The following GLUD1 variants were observed in gnomAD, a reference collection of about 807,000 sequenced individuals.
The protein encoded by GLUD1 is glutamate dehydrogenase 1, mitochondrial.
Under a neutral mutation model 56.0 loss-of-function variants are expected in GLUD1, and 22 were observed. That is an observed-to-expected ratio of 0.39 (90% CI 0.28 to 0.56). The LOEUF (loss-of-function observed/expected upper bound fraction) is 0.56. Among genes scored for constraint, GLUD1 ranks in the 20% least tolerant of loss-of-function variants. GLUD1 has a pLI of 0.58. For missense variants in GLUD1, 451 were observed against 732.0 expected (o/e 0.62, Z 4.43); for synonymous variants, 223 against 269.9 (o/e 0.83, Z 1.70).
At chr10:87,076,395 TA>T (rs5786757) in intron 2 of GLUD1, among the ~76,000 whole-genome samples, 180 bp downstream of exon 2, 54,581 of 149,374 alleles carry the variant, frequency 0.37, 11,333 homozygotes, top group East Asian at 0.7. Context: ...ATCCCCCATG[TA>T]AAAAAAAAAG....
intron 1 of GLUD1, among the ~76,000 whole-genome samples, chr10:87,088,734 T>C (rs184539393): frequency 6.6e-6 from 1 of 152,372 alleles, no homozygotes; most frequent in East Asian, 1.9e-4. Flanking sequence ...TTACGTCTGA[T>C]AGACTTTCTC....
intron 1 of GLUD1, among the ~76,000 whole-genome samples, chr10:87,086,860 T>C (rs77380778): frequency 6.8e-6 from 1 of 147,312 alleles, no homozygotes; most frequent in Non-Finnish European, 1.5e-5. Flanking sequence ...AAGGAAAAAA[T>C]TGTTTTTTCT....
intron 6 of GLUD1, among the ~76,000 whole-genome samples, chr10:87,062,389 C>T (rs1256456379): frequency 6.6e-6 from 1 of 152,192 alleles, no homozygotes; most frequent in Non-Finnish European, 1.5e-5. Context: ...AGTTTGAATA[C>T]TAACCAATAT....
chr10:87,075,941 A>G (rs1442739038), intron 3 of GLUD1, 27 bp downstream of exon 3: 2 of 1,452,392 alleles, frequency 1.4e-6, no homozygotes, highest in Non-Finnish European at 1.9e-6. Context: ...AACAACAATA[A>G]AAAACAAATA....
rs1453075315 is a variant in GLUD1 at position 87,051,466 on chromosome 10, G to A, written c.*285C>T. 10 of 459,074 alleles carry A rather than the reference G, an allele frequency of 2.2e-5. No homozygotes were observed. The highest frequency in any genetic ancestry group is 4.1e-5 in the South Asian group (2 of 48,212). The allele number at this position is 459,074 out of a possible 1,614,324, so 28.4% of individuals were successfully genotyped here. ...ACTGATTGTGTTGGGAAAAGCCACA[G>A]AGCAAGGCTGCACAGCCAGATAAAG... is the stretch of plus-strand genomic sequence containing the variant. On this transcript the variant is annotated 3_prime_UTR_variant, in exon 13 of 13. Coordinates refer to ENST00000277865, the MANE Select transcript of GLUD1 (RefSeq NM_005271.5).
intron 12 of GLUD1, among the ~76,000 whole-genome samples, chr10:87,052,306 G>A (rs1186304935): frequency 3.9e-5 from 6 of 152,172 alleles, no homozygotes; most frequent in Middle Eastern, 3.4e-3. Context: ...GACCAATATG[G>A]TGAAACCCCA....
At chr10:87,067,937 C>T in intron 5 of GLUD1, 126 bp downstream of exon 5, 1 of 685,528 alleles carries the variant, frequency 1.5e-6, no homozygotes, top group Non-Finnish European at 2.7e-6. Flanking sequence ...AAATAATATG[C>T]ACATCAAGAT....
At chr10:87,075,899 G>A (rs1175847452) in intron 3 of GLUD1, 69 bp downstream of exon 3, 2 of 1,071,388 alleles carry the variant, frequency 1.9e-6, no homozygotes, top group Non-Finnish European at 2.9e-6. Flanking sequence ...GAACAACAGA[G>A]GAAGACTCTG....
In GLUD1 at chr10:87,051,781, C is replaced by T. The variant is rs756484571; in HGVS notation, c.1647G>A (p.Val549=). Residue 549 remains valine (V), a synonymous_variant, in exon 13 of 13, where the codon GTG becomes GTA. Transcript: ENST00000277865. ...TGAAGGTCACACCAGCTTCATTGTACACTTTGAAGACTTTCTCAATGGCAT... is the reference window on the plus strand; with the variant it reads ...TGAAGGTCACACCAGCTTCATTGTATACTTTGAAGACTTTCTCAATGGCAT... ...YVNAIEKVFK[V]YNEAGVTFT The T allele has an allele frequency of 7.3e-5, 118 of 1,612,836 alleles. No homozygotes were observed. The highest frequency in any genetic ancestry group is 1.3e-5 in the African/African-American group (1 of 74,918).
rs1183096678 is a variant in GLUD1 at position 87,050,491 on chromosome 10, G to C, written c.*1260C>G. Reference sequence around the variant, plus strand: ...ACACAGAAAAGAAACGTAAGTTTTGGAAAACGTAGACTTTTAATAACTGCT... The same window carrying C: ...ACACAGAAAAGAAACGTAAGTTTTGCAAAACGTAGACTTTTAATAACTGCT... On this transcript the variant is annotated 3_prime_UTR_variant, in exon 13 of 13. Coordinates refer to ENST00000277865, the MANE Select transcript of GLUD1 (RefSeq NM_005271.5). 6.6e-6 allele frequency: 1 copy of C among 151,872 alleles called. No individual in the cohort carries two copies. Among genetic ancestry groups the C allele is most frequent in the Non-Finnish European group, 1.5e-5 (1 of 68,008 alleles). The allele number at this position is 151,872 out of a possible 1,614,324, so 9.4% of individuals were successfully genotyped here.
intron 11 of GLUD1, among the ~76,000 whole-genome samples, chr10:87,057,303 A>C (rs1417922532): frequency 6.6e-6 from 1 of 151,788 alleles, no homozygotes; most frequent in Non-Finnish European, 1.5e-5. Context: ...TTCTTTCTTT[A>C]TTTTTGTAGA....
intron 1 of GLUD1, among the ~76,000 whole-genome samples, chr10:87,077,626 A>C (rs1476559555): frequency 1.3e-5 from 2 of 151,240 alleles, no homozygotes; most frequent in Non-Finnish European, 2.9e-5. Flanking sequence ...GGGGATGCCC[A>C]CAGCTTTGGC....
At chr10:87,088,651 C>T (rs1841442883) in intron 1 of GLUD1, among the ~76,000 whole-genome samples, 1 of 152,186 alleles carries the variant, frequency 6.6e-6, no homozygotes, top group Non-Finnish European at 1.5e-5. Flanking sequence ...AGAAGTCATA[C>T]TACTGACAAC....
chr10:87,060,294 TC>T, intron 8 of GLUD1, 53 bp from the exon 9 acceptor site: 8 of 1,157,420 alleles, frequency 6.9e-6, no homozygotes, highest in South Asian at 1.2e-5. Flanking sequence ...TCAAATCCCC[TC>T]CACTGAGGGC....
intron 1 of GLUD1, among the ~76,000 whole-genome samples, chr10:87,080,622 C>G (rs1205696617): frequency 1.0e-3 from 159 of 151,458 alleles, no homozygotes; most frequent in Admixed American, 1.7e-3. Flanking sequence ...CGCCTCTGCC[C>G]GGCCGCGACC....
intron 9 of GLUD1, 72 bp from the exon 10 acceptor site, chr10:87,059,345 C>G (rs946692565): frequency 3.5e-6 from 5 of 1,447,760 alleles, no homozygotes; most frequent in Middle Eastern, 1.8e-4. Flanking sequence ...AACCTAAGAC[C>G]TTAATTTCAA....
At chr10:87,066,862 G>C (rs1846090084) in intron 5 of GLUD1, among the ~76,000 whole-genome samples, 1 of 152,140 alleles carries the variant, frequency 6.6e-6, no homozygotes, top group African/African-American at 2.4e-5. Flanking sequence ...CCCTTTCAGG[G>C]ACAGGAGTTA....
intron 9 of GLUD1, 148 bp downstream of exon 9, chr10:87,060,013 C>A (rs978358350): frequency 1.1e-5 from 7 of 655,000 alleles, no homozygotes; most frequent in African/African-American, 1.8e-5. Flanking sequence ...TTAGAATTAA[C>A]CATGCTTCTA....
At chr10:87,071,001 C>T (rs529186413) in intron 4 of GLUD1, among the ~76,000 whole-genome samples, 113 of 150,924 alleles carry the variant, frequency 7.5e-4, no homozygotes, top group African/African-American at 2.6e-3. Flanking sequence ...TGGTGGCGGG[C>T]GCCTGTAGTC....
Sources: allele counts gnomAD v4.1 joint callset (sites outside exome capture counted in the v4.1 genomes callset), GRCh38; gene constraint gnomAD v4.1.1; transcripts MANE v1.5; gene names NCBI Gene and HGNC (gene_info 2026-07-23, HGNC 2026-07-21).